Variants in CCR5AS observed in about 807,000 individuals in gnomAD.
The protein encoded by CCR5AS is CCR5 antisense RNA.
chr3:46,384,902 T>C (rs6775547), intron 2 of CCR5AS, among the ~76,000 whole-genome samples: 135 of 88,198 alleles, frequency 1.5e-3, no homozygotes, highest in Middle Eastern at 0.012. Context: ...GATAGATAGA[T>C]AGATAGATAG....
chr3:46,373,756 T>C (rs1221797267), intron 2 of CCR5AS: 2 of 1,613,730 alleles, frequency 1.2e-6, no homozygotes, highest in Admixed American at 1.7e-5. Flanking sequence ...ACAGAGACTC[T>C]TGGGATGACG....
chr3:46,393,231 G>A (rs1239923594), intron 1 of CCR5AS, among the ~76,000 whole-genome samples: 2 of 152,092 alleles, frequency 1.3e-5, no homozygotes, highest in African/African-American at 4.8e-5. Flanking sequence ...AAGGTCAATT[G>A]ATCAGTTGGG....
intron 3 of CCR5AS, among the ~76,000 whole-genome samples, chr3:46,369,841 G>A (rs942101451): frequency 6.6e-6 from 1 of 152,178 alleles, no homozygotes; most frequent in Non-Finnish European, 1.5e-5. Context: ...CACTGGCTTA[G>A]CCCCTGGGTT....
chr3:46,406,098 A>T (rs535234913), intron 1 of CCR5AS, among the ~76,000 whole-genome samples: 2 of 151,554 alleles, frequency 1.3e-5, no homozygotes, highest in East Asian at 1.9e-4. Flanking sequence ...CTGGCCTCAA[A>T]CTCCTGGGCT....
intron 2 of CCR5AS, chr3:46,375,279 G>T (rs1701737456): frequency 6.0e-6 from 1 of 166,986 alleles, no homozygotes; most frequent in Non-Finnish European, 1.5e-5. Context: ...TGAGGTCTAG[G>T]AACATACTTC....
At chr3:46,382,826 T>C (rs746782217) in intron 2 of CCR5AS, among the ~76,000 whole-genome samples, 1 of 152,196 alleles carries the variant, frequency 6.6e-6, no homozygotes, top group Non-Finnish European at 1.5e-5. Flanking sequence ...AACTTTGGCA[T>C]CAGTGTTTCC....
exon 2 of CCR5AS, chr3:46,393,016 A>T (rs1346981715): frequency 6.5e-6 from 1 of 153,030 alleles, no homozygotes; most frequent in African/African-American, 2.4e-5. Context: ...TGTGAGCAAT[A>T]AAGCTTTTTA....
intron 1 of CCR5AS, among the ~76,000 whole-genome samples, chr3:46,399,877 T>A (rs547340647): frequency 3.3e-5 from 5 of 152,242 alleles, no homozygotes; most frequent in African/African-American, 1.2e-4. Context: ...TTGGATAAAG[T>A]GACAATTTGT....
At chr3:46,398,685 T>G (rs1399956225) in intron 1 of CCR5AS, among the ~76,000 whole-genome samples, 2 of 152,228 alleles carry the variant, frequency 1.3e-5, no homozygotes, top group South Asian at 2.1e-4. Context: ...CTCAATAGGG[T>G]TTTTTAAATT....
chr3:46,402,627 A>G (rs1043309369), intron 1 of CCR5AS, among the ~76,000 whole-genome samples: 1 of 152,228 alleles, frequency 6.6e-6, no homozygotes, highest in Non-Finnish European at 1.5e-5. Context: ...ATTATATTTG[A>G]AGAAGCCATA....
At position 46,376,022 on chromosome 3, in the gene CCR5AS, C is replaced by T. The variant is rs1444424745; in HGVS notation, n.392-4605G>A. The T allele has an allele frequency of 3.0e-4, 50 of 166,958 alleles. No homozygotes were observed. The Admixed American group carries it at 3.1e-3, about 11-fold the overall frequency. 10.3% of individuals were successfully genotyped at this position (166,958 alleles called of 1,614,324 possible). A position where few individuals can be genotyped will look rare whatever the true frequency, so the allele number is the denominator to read the frequency against. On this transcript the variant is annotated intron_variant and non_coding_transcript_variant, in intron 2 of 3. Coordinates refer to ENST00000451485, the Ensembl canonical transcript of CCR5AS. ...CATTGTGGCTGTCAGCAGGAAGCAA[C>T]GAAGGGAAATGTCTTTCCTTTTGCT...
At chr3:46,373,843 A>T (rs1366354010) in intron 2 of CCR5AS, 2 of 1,614,100 alleles carry the variant, frequency 1.2e-6, no homozygotes, top group Admixed American at 3.3e-5. Flanking sequence ...TTCTTCCAAA[A>T]GCACATTGCC....
At chr3:46,400,009 A>G (rs1467569451) in intron 1 of CCR5AS, among the ~76,000 whole-genome samples, 2 of 152,066 alleles carry the variant, frequency 1.3e-5, no homozygotes, top group Non-Finnish European at 2.9e-5. Flanking sequence ...TTTTTTTGAA[A>G]CAGGGTCTCA....
intron 3 of CCR5AS, chr3:46,371,218 G>A (rs1701656227): frequency 6.6e-6 from 1 of 152,198 alleles, no homozygotes; most frequent in African/African-American, 2.4e-5. Flanking sequence ...GGGAGCAATA[G>A]TATTTTAATA....
intron 2 of CCR5AS, among the ~76,000 whole-genome samples, chr3:46,384,337 G>C (rs1433346195): frequency 6.6e-6 from 1 of 152,174 alleles, no homozygotes; most frequent in Non-Finnish European, 1.5e-5. Flanking sequence ...TACTGTACAC[G>C]TGGTTGACAA....
chr3:46,392,273 G>T lies in CCR5AS; in HGVS notation n.391+552C>A, dbSNP rs560141687. 1.3e-3 allele frequency among the ~76,000 whole-genome samples: 197 copies of T among 152,240 alleles called. 2 individuals carry two copies. Among genetic ancestry groups the T allele is most frequent in the Middle Eastern group, 6.8e-3 (2 of 294 alleles). On this transcript the variant is annotated intron_variant and non_coding_transcript_variant, in intron 2 of 3. Transcript: ENST00000451485. Reference sequence around the variant, plus strand: ...GCCTGTTTCCCTTGCCTCCATAACTGTTGTGGGTATTGATGGCCAGGCTTA... The same window carrying T: ...GCCTGTTTCCCTTGCCTCCATAACTTTTGTGGGTATTGATGGCCAGGCTTA...
At position 46,389,272 on chromosome 3, in the gene CCR5AS, A is replaced by G. The variant is rs185328022; in HGVS notation, n.391+3553T>C. On this transcript the variant is annotated intron_variant and non_coding_transcript_variant, in intron 2 of 3. Coordinates refer to ENST00000451485, the Ensembl canonical transcript of CCR5AS. ...ACTTCCAGAAGGAAGAGGAGAGATC[A>G]GGCTGGCTGTCTGATGGGCACAGCT... Among the ~76,000 whole-genome samples, 203 of 152,352 alleles carry G rather than the reference A, an allele frequency of 1.3e-3. 1 individual carries two copies. The highest frequency in any genetic ancestry group is 4.7e-3 in the African/African-American group (196 of 41,580).
chr3:46,367,400 G>A (rs961387079), intron 3 of CCR5AS, among the ~76,000 whole-genome samples: 3 of 150,728 alleles, frequency 2.0e-5, no homozygotes, highest in African/African-American at 7.3e-5. Context: ...CTACAGAATG[G>A]TATATGCATG....
intron 2 of CCR5AS, chr3:46,374,276 G>C (rs1414445021): frequency 4.2e-6 from 1 of 240,106 alleles, no homozygotes; most frequent in Non-Finnish European, 8.6e-6. Context: ...TTAAAAGAAA[G>C]CCTCAGAGAA....
Sources: gnomAD v4.1 joint callset for allele counts (sites outside exome capture counted in the v4.1 genomes callset) on GRCh38, gnomAD v4.1.1 for gene constraint, MANE v1.5 for transcripts, NCBI Gene and HGNC (gene_info 2026-07-23, HGNC 2026-07-21) for gene names.